ENOX2: variants seen among roughly 807,000 people sequenced by gnomAD.
ENOX2 encodes the protein APK1 antigen.
ENOX2 carries 36 observed loss-of-function variants against 45.0 expected under a neutral mutation model. The observed-to-expected ratio is 0.80, with a 90% CI of 0.61 to 1.06. The LOEUF (loss-of-function observed/expected upper bound fraction) is 1.06, where lower values mean the gene tolerates loss of function less well. Among genes scored for constraint, ENOX2 ranks in the 50% least tolerant of loss-of-function variants. The probability of loss-of-function intolerance (pLI) is 0.00; values close to 1 mark genes in which losing one functional copy is unlikely to be tolerated. For synonymous variants in ENOX2, 174 were observed against 152.3 expected, an observed-to-expected ratio of 1.14 and a Z score of -1.05; for missense variants, 423 against 462.5, an observed-to-expected ratio of 0.91 and a Z score of 0.78.
chrX:130,799,170 A>G (rs2077178483), intron 2 of ENOX2, among the ~76,000 whole-genome samples: 1 of 111,753 alleles, frequency 8.9e-6, no homozygotes, highest in Admixed American at 9.4e-5. Flanking sequence ...CCTAGAATTA[A>G]GCAGGCAAAA....
chrX:130,852,810 C>T (rs1316349027), intron 2 of ENOX2, among the ~76,000 whole-genome samples: 1 of 110,852 alleles, frequency 9.0e-6, no homozygotes, highest in Non-Finnish European at 1.9e-5. Context: ...TGAAATATAC[C>T]ATTTCAATGA....
At chrX:130,782,245 T>C (rs775137469) in intron 3 of ENOX2, among the ~76,000 whole-genome samples, 29 of 112,253 alleles carry the variant, frequency 2.6e-4, no homozygotes, top group Middle Eastern at 9.1e-3. Flanking sequence ...AAGTGATTAC[T>C]GTATGCAGAC....
intron 10 of ENOX2, chrX:130,645,915 T>C: frequency 4.3e-6 from 3 of 699,594 alleles, no homozygotes; most frequent in Non-Finnish European, 7.0e-6. Flanking sequence ...GTAGTTTAAC[T>C]TGGGCAATAG....
At chrX:130,853,527 G>T (rs2078257803) in intron 2 of ENOX2, among the ~76,000 whole-genome samples, 1 of 108,779 alleles carries the variant, frequency 9.2e-6, no homozygotes, top group Non-Finnish European at 1.9e-5. Context: ...ACCAAGAAGG[G>T]GGAGTACAGC....
chrX:130,784,586 CTT>C (rs1038640682), intron 2 of ENOX2, among the ~76,000 whole-genome samples: 6 of 92,200 alleles, frequency 6.5e-5, no homozygotes, highest in South Asian at 5.1e-4. Flanking sequence ...ATAGCTCACT[CTT>C]TTTTTTTTTT....
At chrX:130,637,887 G>C (rs1207467644) in intron 10 of ENOX2, among the ~76,000 whole-genome samples, 2 of 110,960 alleles carry the variant, frequency 1.8e-5, no homozygotes, top group African/African-American at 6.6e-5. Context: ...AAATGTAAGG[G>C]GGAATAATGA....
intron 2 of ENOX2, among the ~76,000 whole-genome samples, chrX:130,847,177 GT>G (rs1181472687): frequency 5.7e-3 from 578 of 101,622 alleles, no homozygotes; most frequent in South Asian, 9.4e-3. Flanking sequence ...AGGATGAAGT[GT>G]TTTTTTTTTT....
At chrX:130,707,246 T>C (rs2038060874) in intron 3 of ENOX2, among the ~76,000 whole-genome samples, 1 of 111,770 alleles carries the variant, frequency 8.9e-6, no homozygotes, top group African/African-American at 3.3e-5. Flanking sequence ...TCTCCTATTC[T>C]GCTGTGTGAC....
chrX:130,692,741 C>T (rs2037644544), intron 4 of ENOX2, among the ~76,000 whole-genome samples: 1 of 108,710 alleles, frequency 9.2e-6, no homozygotes, highest in Non-Finnish European at 1.9e-5. Context: ...CTACCATACC[C>T]GGCTATTTTT....
At chrX:130,836,871 G>C (rs181055602) in intron 2 of ENOX2, among the ~76,000 whole-genome samples, 12 of 111,907 alleles carry the variant, frequency 1.1e-4, no homozygotes, top group African/African-American at 3.9e-4. Context: ...TTATCTGTGG[G>C]TTATTTTCCT....
chrX:130,833,927 G>A (rs191010943), intron 2 of ENOX2, among the ~76,000 whole-genome samples: 37 of 111,443 alleles, frequency 3.3e-4, no homozygotes, highest in Middle Eastern at 9.2e-3. Flanking sequence ...TGTTCACTGA[G>A]CACCTACTAT....
intron 2 of ENOX2, among the ~76,000 whole-genome samples, chrX:130,832,440 T>TAC (rs61623401): frequency 0.091 from 8,252 of 90,855 alleles, 361 homozygotes; most frequent in African/African-American, 0.17. Context: ...CACACACACA[T>TAC]ACACACACAC....
chrX:130,771,112 G>A (rs906899881), intron 3 of ENOX2, among the ~76,000 whole-genome samples: 1 of 112,017 alleles, frequency 8.9e-6, no homozygotes, highest in Admixed American at 9.4e-5. Context: ...TTATCTTTGT[G>A]GGGAAGTGAC....
intron 3 of ENOX2, among the ~76,000 whole-genome samples, chrX:130,760,765 G>A (rs1174801721): frequency 1.5e-5 from 1 of 68,760 alleles, no homozygotes; most frequent in African/African-American, 5.9e-5. Context: ...CAGCCTGGGT[G>A]ACAGAGCAAG....
chrX:130,848,270 C>A (rs1480185236), intron 2 of ENOX2, among the ~76,000 whole-genome samples: 3 of 110,582 alleles, frequency 2.7e-5, no homozygotes, highest in Non-Finnish European at 3.8e-5. Context: ...TACATAATGC[C>A]AAAATCTACA....
intron 12 of ENOX2, 131 bp from the exon 13 acceptor site, chrX:130,631,707 G>A (rs1230542158): frequency 1.3e-5 from 5 of 379,487 alleles, no homozygotes; most frequent in Non-Finnish European, 1.9e-5. Context: ...TACTGAATGG[G>A]AGAGAAAATA....
chrX:130,902,718 G>A (rs1322997122), intron 1 of ENOX2, among the ~76,000 whole-genome samples: 6 of 104,825 alleles, frequency 5.7e-5, no homozygotes, highest in African/African-American at 1.8e-4. Flanking sequence ...GCAAAACCCT[G>A]GACGCAAACC....
rs1420990088 is a variant in ENOX2, at chrX:130,707,353, G to A, written c.-38-4099C>T. 9.9e-5 allele frequency among the ~76,000 whole-genome samples: 11 copies of A among 111,651 alleles called. No homozygotes were observed. In the Admixed American group the frequency reaches 1.0e-3, roughly 11 times the overall value. Reference sequence around the variant, plus strand: ...TGGCACTTTGGAATAAGCTCCATTAGCACCAAAAGAATACAAGATTTGGAA... The same window carrying A: ...TGGCACTTTGGAATAAGCTCCATTAACACCAAAAGAATACAAGATTTGGAA... On this transcript the variant is annotated intron_variant, in intron 3 of 14. Transcript: ENST00000394363.
chrX:130,828,027 G>A (rs999927081), intron 2 of ENOX2, among the ~76,000 whole-genome samples: 4 of 112,380 alleles, frequency 3.6e-5, no homozygotes, highest in Non-Finnish European at 7.5e-5. Context: ...GAAATGGATT[G>A]AGAAGTGATG....
Sources: gnomAD v4.1 joint callset for allele counts (sites outside exome capture counted in the v4.1 genomes callset) on GRCh38, gnomAD v4.1.1 for gene constraint, MANE v1.5 for transcripts, NCBI Gene and HGNC (gene_info 2026-07-23, HGNC 2026-07-21) for gene names.